The following CNOT1 variants were observed in gnomAD, a reference collection of about 807,000 sequenced individuals.
CNOT1 encodes the protein CCR4-NOT transcription complex subunit 1.
In CNOT1, 15 loss-of-function variants were observed where a neutral mutation model predicts 273.8. The observed-to-expected ratio is 0.05, with a 90% CI of 0.04 to 0.08. CNOT1 has a LOEUF of 0.08. CNOT1 is among the 10% of genes least tolerant of loss of function. The pLI is 1.00. For missense variants in CNOT1, 1,644 were observed against 2,912.2 expected (o/e 0.56, Z 10.02); for synonymous variants, 1,022 against 1,005.5 (o/e 1.02, Z -0.31).
Position 58,539,749 on chromosome 16 carries a change from T to A in CNOT1, c.4992+19A>T. ...TTACACACCTAGCATTTTCTAAAAG[T>A]AATAGCTTAAGAACCAACCTTTTGG... On this transcript the variant is annotated intron_variant, in intron 35 of 48. Transcript: ENST00000317147. 6.3e-7 allele frequency: 1 copy of A among 1,591,386 alleles called. No homozygotes were observed. Among genetic ancestry groups the A allele is most frequent in the Non-Finnish European group, 8.6e-7 (1 of 1,168,308 alleles).
At chr16:58,574,807 T>C in intron 15 of CNOT1, 47 bp from the exon 16 acceptor site, 2 of 1,578,072 alleles carry the variant, frequency 1.3e-6, no homozygotes, top group Admixed American at 2.2e-5. Flanking sequence ...TGATCTTAAA[T>C]GTTTTTGGAT....
rs902026978 is a variant in CNOT1 at position 58,562,072 on chromosome 16, C to A, written c.1980-1710G>T. 5.3e-5 allele frequency among the ~76,000 whole-genome samples: 8 copies of A among 151,796 alleles called. No individual in the cohort carries two copies. In the South Asian group the frequency reaches 1.5e-3, roughly 28 times the overall value. ...AAAAACTAGCCAGGCATGTGGCGGG[C>A]ACCTCTAATCCCAGCTACTCAGGAG... On this transcript the variant is annotated intron_variant, in intron 16 of 48. Coordinates refer to ENST00000317147, the MANE Select transcript of CNOT1 (RefSeq NM_016284.5).
intron 2 of CNOT1, among the ~76,000 whole-genome samples, chr16:58,593,196 G>A (rs1268803895): frequency 6.6e-6 from 1 of 152,136 alleles, no homozygotes; most frequent in Non-Finnish European, 1.5e-5. Context: ...GCTGAGGAGG[G>A]CGGGATCTCT....
At chr16:58,536,775 G>C (rs1453078201) in intron 39 of CNOT1, among the ~76,000 whole-genome samples, 2 of 152,078 alleles carry the variant, frequency 1.3e-5, no homozygotes, top group African/African-American at 4.8e-5. Context: ...GGAATATACA[G>C]AACCAACGGT....
chr16:58,575,181 C>T, intron 14 of CNOT1, 52 bp from the exon 15 acceptor site: 1 of 1,589,164 alleles, frequency 6.3e-7, no homozygotes, highest in Non-Finnish European at 8.5e-7. Context: ...AAGTAACTAT[C>T]TCTGTCCCAT....
intron 2 of CNOT1, among the ~76,000 whole-genome samples, chr16:58,596,907 A>C (rs1039816228): frequency 4.1e-5 from 6 of 147,804 alleles, no homozygotes; most frequent in African/African-American, 9.9e-5. Context: ...AAAAAAAAAA[A>C]AAAAAAAAAA....
intron 1 of CNOT1, among the ~76,000 whole-genome samples, chr16:58,618,970 A>AT (rs1271989870): frequency 4.6e-5 from 7 of 152,018 alleles, no homozygotes; most frequent in Non-Finnish European, 1.0e-4. Context: ...AGGTGGGAGG[A>AT]TTTTTTGAGG....
chr16:58,543,095 G>T (rs1869381188), intron 31 of CNOT1: 2 of 1,246,688 alleles, frequency 1.6e-6, no homozygotes, highest in East Asian at 4.6e-5. Context: ...CCTGTCTCAT[G>T]AAACATTAAA....
chr16:58,560,414 T>C (rs1248871663), intron 16 of CNOT1, 52 bp from the exon 17 acceptor site: 5 of 1,573,068 alleles, frequency 3.2e-6, no homozygotes, highest in Non-Finnish European at 3.4e-6. Context: ...CTCTAGCACA[T>C]GTAAGTAAAC....
chr16:58,586,639 T>A lies in CNOT1; in HGVS notation c.543A>T (p.Leu181=). The part of the protein sequence containing the change: ...GGFQDIAIEV[L]HLLLSHLLFG... Reference sequence around the variant, plus strand: ...AGAGGAGATGGGAGAGGAGGAGGTGTAGGACCTCTATTGCTATATCTTGGA... The same window carrying A: ...AGAGGAGATGGGAGAGGAGGAGGTGAAGGACCTCTATTGCTATATCTTGGA... The change falls in exon 7 of 49, where the codon CTA becomes CTT. Residue 181 remains leucine, a synonymous_variant. Transcript: ENST00000317147. 1 of 1,612,986 alleles carries A rather than the reference T, an allele frequency of 6.2e-7. No individual in the cohort carries two copies. Among genetic ancestry groups the A allele is most frequent in the African/African-American group, 1.3e-5 (1 of 74,800 alleles).
intron 1 of CNOT1, among the ~76,000 whole-genome samples, chr16:58,614,475 A>G (rs2043009429): frequency 8.0e-6 from 1 of 125,536 alleles, no homozygotes; most frequent in South Asian, 2.4e-4. Context: ...CTACAGGAAC[A>G]GGCCCCACCA....
At chr16:58,586,807 G>C in intron 6 of CNOT1, 59 bp from the exon 7 acceptor site, 2 of 1,547,750 alleles carry the variant, frequency 1.3e-6, no homozygotes, top group Non-Finnish European at 1.8e-6. Flanking sequence ...GGGTTAAAAA[G>C]TCATATACCA....
chr16:58,627,396 T>A, intron 1 of CNOT1, among the ~76,000 whole-genome samples: 1 of 68,766 alleles, frequency 1.5e-5, no homozygotes, highest in South Asian at 6.4e-4. Flanking sequence ...AGAGCGAGAC[T>A]CCATCTCAAA....
intron 47 of CNOT1, among the ~76,000 whole-genome samples, chr16:58,522,148 T>C (rs540802833): frequency 2.1e-5 from 3 of 145,020 alleles, no homozygotes; most frequent in African/African-American, 7.8e-5. Flanking sequence ...TGAAACCCCG[T>C]CTCTACTAAA....
intron 1 of CNOT1, among the ~76,000 whole-genome samples, chr16:58,620,153 A>T (rs150593035): frequency 3.3e-5 from 5 of 152,330 alleles, no homozygotes; most frequent in African/African-American, 1.2e-4. Flanking sequence ...AACTGTATAT[A>T]TGCACTGGGG....
chr16:58,602,759 AT>A (rs1358845946), intron 1 of CNOT1, among the ~76,000 whole-genome samples: 1 of 151,622 alleles, frequency 6.6e-6, no homozygotes, highest in Admixed American at 6.6e-5. Flanking sequence ...AATAAAAAAA[AT>A]TTTTTTAAAA....
intron 1 of CNOT1, among the ~76,000 whole-genome samples, chr16:58,604,634 A>T (rs2042601404): frequency 6.7e-6 from 1 of 149,942 alleles, no homozygotes; most frequent in Admixed American, 6.7e-5. Flanking sequence ...AAAAAAAAAA[A>T]AAAAAATACA....
chr16:58,624,017 C>T (rs1383018678), intron 1 of CNOT1, among the ~76,000 whole-genome samples: 4 of 151,884 alleles, frequency 2.6e-5, no homozygotes, highest in East Asian at 3.9e-4. Flanking sequence ...TAAGTATTTC[C>T]GAGAGTTCTA....
chr16:58,567,567 A>AC (rs1460017827), intron 16 of CNOT1, among the ~76,000 whole-genome samples: 13 of 151,700 alleles, frequency 8.6e-5, no homozygotes, highest in Non-Finnish European at 1.6e-4. Flanking sequence ...AAAAAAAAAA[A>AC]ACCTTCTCAT....
Sources: gnomAD v4.1 joint callset for allele counts (sites outside exome capture counted in the v4.1 genomes callset) on GRCh38, gnomAD v4.1.1 for gene constraint, MANE v1.5 for transcripts, NCBI Gene and HGNC (gene_info 2026-07-23, HGNC 2026-07-21) for gene names.